Variants in EXOC6B observed in about 807,000 individuals in gnomAD.
EXOC6B encodes exocyst complex component 6B.
In EXOC6B, 54 loss-of-function variants were observed where a neutral mutation model predicts 113.5. That is an observed-to-expected ratio of 0.48 (90% confidence interval 0.38 to 0.60). EXOC6B has a LOEUF of 0.60. Among genes scored for constraint, EXOC6B ranks in the 20% least tolerant of loss-of-function variants. The pLI, the probability that EXOC6B is intolerant of heterozygous loss-of-function variation, is 0.00. For synonymous variants in EXOC6B, 357 were observed against 339.0 expected, an observed-to-expected ratio of 1.05 and a Z score of -0.58; for missense variants, 797 against 977.5, an observed-to-expected ratio of 0.82 and a Z score of 2.46.
chr2:72,763,211 G>A (rs922669661), intron 1 of EXOC6B, among the ~76,000 whole-genome samples: 17 of 152,072 alleles, frequency 1.1e-4, no homozygotes, highest in African/African-American at 4.1e-4. Flanking sequence ...AGGTAATTGT[G>A]TTAACATAAA....
chr2:72,204,411 T>C (rs992139866), intron 20 of EXOC6B, among the ~76,000 whole-genome samples: 1 of 152,120 alleles, frequency 6.6e-6, no homozygotes, highest in African/African-American at 2.4e-5. Flanking sequence ...AGGCAGAGAA[T>C]GGGTGGAAAG....
At chr2:72,213,343 T>C (rs1023856316) in intron 20 of EXOC6B, among the ~76,000 whole-genome samples, 8 of 152,234 alleles carry the variant, frequency 5.3e-5, no homozygotes, top group South Asian at 4.1e-4. Flanking sequence ...AAAATGGTTG[T>C]TACTTAAAGT....
At position 72,506,759 on chromosome 2, in the gene EXOC6B, C is replaced by A. The variant is rs150299786; in HGVS notation, c.1167+6373G>T. Among the ~76,000 whole-genome samples, 575 of 152,080 alleles carry A rather than the reference C, an allele frequency of 3.8e-3. 7 individuals are homozygous for A. The highest frequency in any genetic ancestry group is 0.013 in the African/African-American group (554 of 41,516). On this transcript the variant is annotated intron_variant, in intron 11 of 21. Coordinates refer to ENST00000272427, the MANE Select transcript of EXOC6B (RefSeq NM_015189.3). ...CCATTCTATTTGTTTATTGTTGTCT[C>A]CCATGTGATATAATTGGTTTTCTTC...
chr2:72,694,288 T>C (rs1022429343), intron 6 of EXOC6B, among the ~76,000 whole-genome samples: 1 of 151,814 alleles, frequency 6.6e-6, no homozygotes, highest in Admixed American at 6.6e-5. Context: ...CTAAAAATAC[T>C]AAAATTAGCC....
At chr2:72,492,481 GCAAA>G in intron 15 of EXOC6B, 52 bp from the exon 16 acceptor site, 1 of 1,102,942 alleles carries the variant, frequency 9.1e-7, no homozygotes, top group Non-Finnish European at 1.4e-6. Context: ...AATTATTTCG[GCAAA>G]CAAACGGTGC....
chr2:72,518,302 A>C (rs1701316759), intron 8 of EXOC6B, among the ~76,000 whole-genome samples: 1 of 152,200 alleles, frequency 6.6e-6, no homozygotes, highest in African/African-American at 2.4e-5. Context: ...CTGCTCCAAA[A>C]GTTTTGTGTT....
In EXOC6B at chr2:72,388,509, A is replaced by C. The variant is rs116651120; in HGVS notation, c.1981-8639T>G. On this transcript the variant is annotated intron_variant, in intron 18 of 21. Transcript: ENST00000272427. Reference sequence around the variant, plus strand: ...AATATTCCAATATGCACTAAGAAAAAAAAGCTGCTATTGGTGGTGTAATAT... The same window carrying C: ...AATATTCCAATATGCACTAAGAAAACAAAGCTGCTATTGGTGGTGTAATAT... Among the ~76,000 whole-genome samples, 745 of 152,270 alleles carry C rather than the reference A, an allele frequency of 4.9e-3. 10 individuals are homozygous for C. The highest frequency in any genetic ancestry group is 0.017 in the African/African-American group (691 of 41,572).
intron 1 of EXOC6B, among the ~76,000 whole-genome samples, chr2:72,747,908 C>T (rs181526727): frequency 2.1e-4 from 32 of 152,160 alleles, no homozygotes; most frequent in Non-Finnish European, 3.8e-4. Context: ...TGTCCATTCA[C>T]TTGCCAATCT....
intron 1 of EXOC6B, among the ~76,000 whole-genome samples, chr2:72,794,166 A>G (rs988562037): frequency 2.6e-5 from 4 of 152,234 alleles, no homozygotes; most frequent in East Asian, 1.9e-4. Context: ...AAGCAGCTCA[A>G]TTTTGATCAA....
intron 1 of EXOC6B, among the ~76,000 whole-genome samples, chr2:72,804,620 A>T (rs888221945): frequency 2.0e-5 from 3 of 151,476 alleles, no homozygotes; most frequent in African/African-American, 7.3e-5. Flanking sequence ...TTTGAGATGG[A>T]GTTTCGCTCT....
intron 1 of EXOC6B, among the ~76,000 whole-genome samples, chr2:72,797,409 G>A (rs888031832): frequency 6.6e-6 from 1 of 152,172 alleles, no homozygotes; most frequent in East Asian, 1.9e-4. Context: ...AAAAAGATAA[G>A]AGAAGGTCTT....
intron 20 of EXOC6B, among the ~76,000 whole-genome samples, chr2:72,212,495 T>C (rs1248071875): frequency 2.6e-5 from 4 of 152,178 alleles, no homozygotes; most frequent in Non-Finnish European, 5.9e-5. Flanking sequence ...AAATTAAATG[T>C]CAGTATCAAG....
At chr2:72,546,776 A>T (rs1702931297) in intron 8 of EXOC6B, among the ~76,000 whole-genome samples, 1 of 152,244 alleles carries the variant, frequency 6.6e-6, no homozygotes, top group Non-Finnish European at 1.5e-5. Context: ...TTTATGACAC[A>T]GAAATAAGGT....
intron 19 of EXOC6B, among the ~76,000 whole-genome samples, chr2:72,372,853 A>G (rs1691121324): frequency 6.6e-6 from 1 of 152,066 alleles, no homozygotes; most frequent in South Asian, 2.1e-4. Context: ...CAAAAAAGGA[A>G]CACACACTGG....
Position 72,708,896 on chromosome 2 carries a change from ATTTTTTTTTT to A in EXOC6B, c.669+9197_669+9206del, listed in dbSNP as rs1159794341. ...AGGCTTGTGCCACCACATCCAGCTAATTTTTTTTTTTTTTTTTTTTTTTTTTTTGTAGAGA... is the reference window on the plus strand; with the variant it reads ...AGGCTTGTGCCACCACATCCAGCTAATTTTTTTTTTTTTTTTTTGTAGAGA... On this transcript the variant is annotated intron_variant, in intron 6 of 21. Transcript: ENST00000272427. Among the ~76,000 whole-genome samples, 9 of 69,804 alleles carry A rather than the reference ATTTTTTTTTT, an allele frequency of 1.3e-4. No individual in the cohort carries two copies. In the South Asian group the frequency reaches 2.1e-3, roughly 16 times the overall value. The allele number at this position is 69,804 out of a possible 152,430, so 45.8% of individuals were successfully genotyped here. A position where few individuals can be genotyped will look rare whatever the true frequency, so the allele number is the denominator to read the frequency against.
At chr2:72,798,650 T>C (rs1270945313) in intron 1 of EXOC6B, among the ~76,000 whole-genome samples, 1 of 152,076 alleles carries the variant, frequency 6.6e-6, no homozygotes, top group Non-Finnish European at 1.5e-5. Context: ...TTTCAGCAAA[T>C]AGTAACTAAA....
chr2:72,310,886 C>CACAT (rs1687148233), intron 20 of EXOC6B, among the ~76,000 whole-genome samples: 1 of 148,774 alleles, frequency 6.7e-6, no homozygotes, highest in African/African-American at 2.5e-5. Context: ...CACACACACA[C>CACAT]ACAGAGCTAG....
At chr2:72,705,316 G>C (rs1300125705) in intron 6 of EXOC6B, among the ~76,000 whole-genome samples, 1 of 152,106 alleles carries the variant, frequency 6.6e-6, no homozygotes, top group Non-Finnish European at 1.5e-5. Context: ...AGGTATTGAT[G>C]GGACGTATTT....
chr2:72,329,592 A>G (rs1572921879), intron 20 of EXOC6B, among the ~76,000 whole-genome samples: 1 of 152,042 alleles, frequency 6.6e-6, no homozygotes, highest in East Asian at 1.9e-4. Context: ...GCAGTCAAGC[A>G]AAGGGGGGAA....
Sources: gnomAD v4.1 joint callset for allele counts (sites outside exome capture counted in the v4.1 genomes callset) on GRCh38, gnomAD v4.1.1 for gene constraint, MANE v1.5 for transcripts, NCBI Gene and HGNC (gene_info 2026-07-23, HGNC 2026-07-21) for gene names.